Variants in GRID2 observed in about 807,000 individuals in gnomAD.
GRID2 encodes glutamate ionotropic receptor delta type subunit 2.
GRID2 carries 33 observed loss-of-function variants against 114.8 expected under a neutral mutation model. The observed-to-expected ratio is 0.29, with a 90% CI of 0.22 to 0.38. The LOEUF (loss-of-function observed/expected upper bound fraction) is 0.38, where lower values mean the gene tolerates loss of function less well. Ranked by LOEUF, GRID2 falls within the 10% of genes least tolerant of loss-of-function variation. The probability of loss-of-function intolerance (pLI) is 1.00; values close to 1 mark genes in which losing one functional copy is unlikely to be tolerated. For synonymous variants in GRID2, 505 were observed against 449.9 expected (o/e 1.12, Z -1.55); for missense variants, 1,184 against 1,257.7 (o/e 0.94, Z 0.89).
At chr4:92,637,052 G>T (rs941258427) in intron 2 of GRID2, among the ~76,000 whole-genome samples, 6 of 151,114 alleles carry the variant, frequency 4.0e-5, no homozygotes, top group Admixed American at 1.3e-4. Context: ...CAAATTTCAG[G>T]TAAATTTAAA....
intron 1 of GRID2, among the ~76,000 whole-genome samples, chr4:92,352,020 A>G (rs774222179): frequency 1.3e-5 from 2 of 151,924 alleles, no homozygotes; most frequent in Admixed American, 6.6e-5. Context: ...GTAAATAACA[A>G]GTAGTGGGAT....
intron 9 of GRID2, among the ~76,000 whole-genome samples, chr4:93,419,333 G>A (rs1298901554): frequency 6.6e-6 from 1 of 151,896 alleles, no homozygotes; most frequent in African/African-American, 2.4e-5. Context: ...ATCAATGACT[G>A]AATAAATTTT....
chr4:93,655,916 T>TA (rs1252949523), intron 14 of GRID2, among the ~76,000 whole-genome samples: 3 of 151,912 alleles, frequency 2.0e-5, no homozygotes, highest in Non-Finnish European at 4.4e-5. Context: ...TTTTTTAATT[T>TA]AAAAAATACC....
intron 2 of GRID2, among the ~76,000 whole-genome samples, chr4:92,981,050 A>G (rs912874360): frequency 6.6e-6 from 1 of 152,060 alleles, no homozygotes; most frequent in African/African-American, 2.4e-5. Context: ...AAAAAATATA[A>G]TTCATTTCTG....
intron 1 of GRID2, among the ~76,000 whole-genome samples, chr4:92,409,006 G>A (rs1040199432): frequency 6.6e-6 from 1 of 152,036 alleles, no homozygotes; most frequent in African/African-American, 2.4e-5. Context: ...CCAGTGCTAT[G>A]TTAAATAGGA....
intron 2 of GRID2, among the ~76,000 whole-genome samples, chr4:92,810,574 T>C (rs1188602519): frequency 2.0e-5 from 3 of 152,078 alleles, no homozygotes; most frequent in African/African-American, 7.2e-5. Context: ...AATTATAAAA[T>C]TTGTGAGGCA....
chr4:93,425,117 C>T (rs57028846), intron 10 of GRID2, among the ~76,000 whole-genome samples: 19,267 of 151,876 alleles, frequency 0.13, 2,007 homozygotes, highest in African/African-American at 0.28. Context: ...CTTTAAAGTC[C>T]TTGTTTGCTA....
At chr4:92,609,469 T>G (rs1463054832) in intron 2 of GRID2, among the ~76,000 whole-genome samples, 2 of 151,488 alleles carry the variant, frequency 1.3e-5, no homozygotes, top group African/African-American at 4.8e-5. Flanking sequence ...GGCATAATCA[T>G]GATGATGGTG....
At chr4:93,588,966 C>T (rs938163273) in intron 13 of GRID2, among the ~76,000 whole-genome samples, 1 of 152,058 alleles carries the variant, frequency 6.6e-6, no homozygotes, top group African/African-American at 2.4e-5. Flanking sequence ...ATACATTATA[C>T]CCAGAATGAA....
At chr4:92,747,984 C>T (rs1352637433) in intron 2 of GRID2, among the ~76,000 whole-genome samples, 1 of 152,126 alleles carries the variant, frequency 6.6e-6, no homozygotes, top group Non-Finnish European at 1.5e-5. Flanking sequence ...TGCATTATTT[C>T]CTTTCTCAGT....
intron 14 of GRID2, among the ~76,000 whole-genome samples, chr4:93,701,273 C>A (rs114241503): frequency 6.6e-6 from 1 of 152,064 alleles, no homozygotes; most frequent in Admixed American, 6.6e-5. Flanking sequence ...AAAGTTGGAA[C>A]GAGTTTAGAG....
chr4:93,809,720 T>C (rs1735095466), exon 2 of GRID2: 1 of 152,240 alleles, frequency 6.6e-6, no homozygotes, highest in Non-Finnish European at 1.5e-5. Context: ...TCCTTCTTGC[T>C]ATAAGTCAGA....
chr4:92,827,302 T>A (rs1741776935), intron 2 of GRID2, among the ~76,000 whole-genome samples: 1 of 151,790 alleles, frequency 6.6e-6, no homozygotes, highest in Admixed American at 6.6e-5. Flanking sequence ...ATTATCAGGT[T>A]AATTTTGGGT....
chr4:93,288,586 TGA>T (rs1352416264), intron 8 of GRID2, among the ~76,000 whole-genome samples: 2 of 152,050 alleles, frequency 1.3e-5, no homozygotes, highest in Non-Finnish European at 2.9e-5. Context: ...CTAATAACTC[TGA>T]GTTTCCTGGG....
chr4:93,309,579 G>T (rs754534282), intron 8 of GRID2, among the ~76,000 whole-genome samples: 3 of 151,530 alleles, frequency 2.0e-5, no homozygotes, highest in Non-Finnish European at 2.9e-5. Flanking sequence ...AAAAGAAGAA[G>T]AATTAATGAA....
chr4:92,639,024 G>A (rs186191439), intron 2 of GRID2, among the ~76,000 whole-genome samples: 134 of 151,332 alleles, frequency 8.9e-4, no homozygotes, highest in Non-Finnish European at 1.5e-3. Flanking sequence ...CACTTTCCAT[G>A]CTTCAGTATT....
chr4:93,279,143 C>G (rs1752383248), intron 8 of GRID2, among the ~76,000 whole-genome samples: 1 of 151,676 alleles, frequency 6.6e-6, no homozygotes, highest in African/African-American at 2.4e-5. Context: ...CAAAATGTCC[C>G]AAATATTTTA....
chr4:92,666,236 TG>T (rs1352117820), intron 2 of GRID2, among the ~76,000 whole-genome samples: 3 of 151,626 alleles, frequency 2.0e-5, no homozygotes, highest in African/African-American at 7.2e-5. Flanking sequence ...TATACTTCCC[TG>T]TTCCAGACCT....
At chr4:93,770,895 T>A (rs879441157) in intron 15 of GRID2, among the ~76,000 whole-genome samples, 10 of 152,180 alleles carry the variant, frequency 6.6e-5, no homozygotes, top group Non-Finnish European at 8.8e-5. Context: ...TCCTCTAAAG[T>A]CTCAGTGATA....
Sources: allele counts gnomAD v4.1 joint callset (sites outside exome capture counted in the v4.1 genomes callset), GRCh38; gene constraint gnomAD v4.1.1; transcripts MANE v1.5; gene names NCBI Gene and HGNC (gene_info 2026-07-23, HGNC 2026-07-21).